Variants in ITGA6 observed in about 807,000 individuals in gnomAD.
ITGA6 encodes the protein integrin subunit alpha 6.
ITGA6 carries 63 observed loss-of-function variants against 133.6 expected under a neutral mutation model. The observed-to-expected ratio is 0.47, with a 90% confidence interval of 0.38 to 0.58. The LOEUF (loss-of-function observed/expected upper bound fraction) is 0.58, where lower values mean the gene tolerates loss of function less well. Ranked by LOEUF, ITGA6 falls within the 20% of genes least tolerant of loss-of-function variation. The probability of loss-of-function intolerance (pLI) is 0.00; values close to 1 mark genes in which losing one functional copy is unlikely to be tolerated. For missense variants in ITGA6, 1,068 were observed against 1,309.4 expected (o/e 0.82, Z 2.85); for synonymous variants, 434 against 482.0 (o/e 0.90, Z 1.30).
intron 1 of ITGA6, among the ~76,000 whole-genome samples, chr2:172,454,081 G>T (rs570016377): frequency 4.9e-4 from 59 of 119,332 alleles, no homozygotes; most frequent in East Asian, 2.7e-3. Flanking sequence ...TTTTTTTTTT[G>T]TTTTGTTTTG....
chr2:172,488,049 G>T lies in ITGA6; in HGVS notation c.2402+11G>T, dbSNP rs1272797762. The T allele has an allele frequency of 3.7e-6, 6 of 1,613,536 alleles. No individual in the cohort carries two copies. The East Asian group carries it at 1.3e-4, about 36-fold the overall frequency. On this transcript the variant is annotated intron_variant, in intron 18 of 25. Coordinates refer to ENST00000684293, the MANE Select transcript of ITGA6 (RefSeq NM_000210.4). ...TTTATCGGTCTCGGGGTAAGTGTTT[G>T]TGTTTAGCATAACAAATCAATGTTT...
chr2:172,504,186 G>C lies in ITGA6; in HGVS notation c.*118G>C. ...AAGAGCGAGAGATCAAAGATGAAAA[G>C]TATATTGATAACCTTGAAAAAAAAC... On this transcript the variant is annotated 3_prime_UTR_variant, in exon 26 of 26. Coordinates refer to ENST00000684293, the MANE Select transcript of ITGA6 (RefSeq NM_000210.4). 1.3e-5 allele frequency: 20 copies of C among 1,584,898 alleles called. No individual in the cohort carries two copies. Among genetic ancestry groups the C allele is most frequent in the Non-Finnish European group, 1.7e-5 (20 of 1,164,430 alleles).
intron 1 of ITGA6, among the ~76,000 whole-genome samples, chr2:172,461,249 TC>T (rs1247463370): frequency 6.6e-6 from 1 of 152,222 alleles, no homozygotes; most frequent in Non-Finnish European, 1.5e-5. Context: ...TTATTTCTTA[TC>T]GTTAAAGATG....
Position 172,485,251 on chromosome 2 carries a change from C to T in ITGA6, c.1841C>T (p.Thr614Ile). 1 of 1,614,052 alleles carries T rather than the reference C, an allele frequency of 6.2e-7. No homozygotes were observed. Among genetic ancestry groups the T allele is most frequent in the Non-Finnish European group, 8.5e-7 (1 of 1,179,940 alleles). Residue 614 changes from threonine to isoleucine, a missense_variant, in exon 13 of 26, where the codon ACA (threonine) becomes ATA (isoleucine). Transcript: ENST00000684293. ...LPILNSDEPK[T>I]AHIDVHFLKE... ...ATTCTGAATTCAGATGAACCCAAGA[C>T]AGCTCATATTGATGTAAGTCTCTCT...
rs754756739 is a variant in ITGA6, at chr2:172,471,117, C to T, written c.775+12C>T. On this transcript the variant is annotated intron_variant, in intron 5 of 25. Coordinates refer to ENST00000684293, the MANE Select transcript of ITGA6 (RefSeq NM_000210.4). ...TAACAGTTACTTAGGTAGGAGCAGGCACAGATGGCTGCCTTTGCCCACCTT... is the reference window on the plus strand; with the variant it reads ...TAACAGTTACTTAGGTAGGAGCAGGTACAGATGGCTGCCTTTGCCCACCTT... 1 of 1,614,152 alleles carries T rather than the reference C, an allele frequency of 6.2e-7. No homozygotes were observed. The highest frequency in any genetic ancestry group is 1.7e-5 in the Admixed American group (1 of 60,032).
Position 172,476,508 on chromosome 2 carries a change from T to G in ITGA6, c.1383T>G (p.Ile461Met). ...AVGSLSDSVT[I>M]FRSRPVINIQ... ...GTTCCCTCTCAGATTCAGTAACTAT[T>G]TTCAGGTCTGTTATCTATGATTTTA... Residue 461 changes from isoleucine to methionine, a missense_variant, in exon 9 of 26, where the codon ATT becomes ATG. Ile to Met is a conservative substitution (Grantham distance 10). This residue lies in a region of ITGA6 where 317 missense variants were observed against 456.9 expected (regional missense o/e 0.69). Transcript: ENST00000684293. The G allele has an allele frequency of 6.5e-7, 1 of 1,539,350 alleles. No individual in the cohort carries two copies. Among genetic ancestry groups the G allele is most frequent in the African/African-American group, 1.4e-5 (1 of 73,474 alleles).
intron 24 of ITGA6, 78 bp from the exon 25 acceptor site, chr2:172,501,694 T>C: frequency 1.4e-6 from 2 of 1,465,818 alleles, no homozygotes; most frequent in Non-Finnish European, 1.9e-6. Context: ...AGAAGGCAGA[T>C]TAAAATTTGA....
chr2:172,446,014 A>G (rs1461172449), intron 1 of ITGA6, among the ~76,000 whole-genome samples: 1 of 152,262 alleles, frequency 6.6e-6, no homozygotes, highest in African/African-American at 2.4e-5. Flanking sequence ...GTAGTTATTC[A>G]GGGTGGCCTT....
chr2:172,478,356 G>A (rs1468416879), intron 9 of ITGA6, among the ~76,000 whole-genome samples: 5 of 152,174 alleles, frequency 3.3e-5, no homozygotes, highest in Non-Finnish European at 2.9e-5. Context: ...GCATTTTCTT[G>A]TAGAAACACT....
intron 1 of ITGA6, among the ~76,000 whole-genome samples, chr2:172,460,352 C>A (rs1021900234): frequency 6.6e-6 from 1 of 152,198 alleles, no homozygotes; most frequent in Non-Finnish European, 1.5e-5. Flanking sequence ...AGCTTTGTCT[C>A]ACTAACTAGG....
intron 5 of ITGA6, among the ~76,000 whole-genome samples, chr2:172,473,516 T>A (rs1448731153): frequency 1.3e-5 from 2 of 152,246 alleles, no homozygotes; most frequent in African/African-American, 4.8e-5. Context: ...TTAGCATTTG[T>A]TTTTGTCTGA....
intron 11 of ITGA6, among the ~76,000 whole-genome samples, chr2:172,483,593 T>C (rs1321952160): frequency 6.6e-6 from 1 of 152,188 alleles, no homozygotes; most frequent in Non-Finnish European, 1.5e-5. Context: ...CCACATCTAA[T>C]GAACCAACAA....
rs552344049 is a variant in ITGA6, at chr2:172,429,822, G to T, written c.182+1852G>T. On this transcript the variant is annotated intron_variant, in intron 1 of 25. Transcript: ENST00000684293. ...AAGGCAGTGACCACACTTTAAAGAG[G>T]CTGTGGTTTATGTCACGTGCTGCCC... is the stretch of plus-strand genomic sequence containing the variant. 3.9e-5 allele frequency among the ~76,000 whole-genome samples: 6 copies of T among 152,298 alleles called. 1 individual carries two copies. Among genetic ancestry groups the T allele is most frequent in the African/African-American group, 1.4e-4 (6 of 41,562 alleles).
chr2:172,447,068 T>C (rs1241993679), intron 1 of ITGA6, among the ~76,000 whole-genome samples: 1 of 152,080 alleles, frequency 6.6e-6, no homozygotes, highest in Non-Finnish European at 1.5e-5. Context: ...CGGCTAATTT[T>C]TGTATTTTTA....
intron 1 of ITGA6, among the ~76,000 whole-genome samples, chr2:172,429,240 T>C (rs1375711693): frequency 6.6e-6 from 1 of 151,790 alleles, no homozygotes; most frequent in Non-Finnish European, 1.5e-5. Flanking sequence ...GTGGGGAGGC[T>C]CTAGGAGGGT....
chr2:172,436,608 T>A lies in ITGA6; in HGVS notation c.182+8638T>A, dbSNP rs75597321. 6.5e-3 allele frequency among the ~76,000 whole-genome samples: 987 copies of A among 152,304 alleles called. 11 individuals carry two copies. The highest frequency in any genetic ancestry group is 0.022 in the African/African-American group (914 of 41,550). On this transcript the variant is annotated intron_variant, in intron 1 of 25. Transcript: ENST00000684293. ...GCTCATTTATTTCTCTCTGTGTGTG[T>A]ACATGTTTTAACCCAAAAGAAATAG...
intron 11 of ITGA6, among the ~76,000 whole-genome samples, chr2:172,483,830 G>T (rs1686550547): frequency 6.6e-6 from 1 of 151,446 alleles, no homozygotes; most frequent in Admixed American, 6.6e-5. Flanking sequence ...TTATTTTTTT[G>T]AGAAAGTTTT....
chr2:172,501,912 A>G lies in ITGA6; in HGVS notation c.*22+11A>G, dbSNP rs895663649. 2 of 1,607,780 alleles carry G rather than the reference A, an allele frequency of 1.2e-6. No individual in the cohort carries two copies. Among genetic ancestry groups the G allele is most frequent in the Non-Finnish European group, 1.7e-6 (2 of 1,177,954 alleles). ...CTACTTCTGTAATTGGTAATTGATC[A>G]ATGTTTTTTAATTGCTAGCTGTGGG... On this transcript the variant is annotated intron_variant, in intron 25 of 25. Coordinates refer to ENST00000684293, the MANE Select transcript of ITGA6 (RefSeq NM_000210.4).
chr2:172,434,470 G>A (rs1684234538), intron 1 of ITGA6, among the ~76,000 whole-genome samples: 1 of 152,162 alleles, frequency 6.6e-6, no homozygotes, highest in Non-Finnish European at 1.5e-5. Flanking sequence ...GTAGAAGACT[G>A]TTCTCAGGCC....
Sources: gnomAD v4.1 joint callset for allele counts (sites outside exome capture counted in the v4.1 genomes callset) on GRCh38, gnomAD v4.1.1 for gene constraint, gnomAD v4.1.1 regional missense constraint, MANE v1.5 for transcripts, NCBI Gene and HGNC (gene_info 2026-07-23, HGNC 2026-07-21) for gene names.